Variants in DNMT3A observed in about 807,000 individuals in gnomAD.
The protein encoded by DNMT3A is DNA (cytosine-5)-methyltransferase 3A.
In DNMT3A, 267 loss-of-function variants were observed where a neutral mutation model predicts 117.6. The ratio of observed to expected loss-of-function variants is 2.27; its 90% confidence interval spans 2.05 to 2.51. DNMT3A has a LOEUF of 2.51. DNMT3A is among the 30% of genes most tolerant of loss of function. The pLI is 0.00. For synonymous variants in DNMT3A, 432 were observed against 474.8 expected (o/e 0.91, Z 1.17); for missense variants, 1,029 against 1,260.2 (o/e 0.82, Z 2.78).
At chr2:25,300,712 A>ATATATAC (rs1491509599) in intron 2 of DNMT3A, among the ~76,000 whole-genome samples, 9 of 18,922 alleles carry the variant, frequency 4.8e-4, no homozygotes, top group African/African-American at 1.5e-3. Flanking sequence ...TAAATAATAT[A>ATATATAC]ATATATATAT....
chr2:25,256,622 A>G (rs1325287279), intron 6 of DNMT3A, among the ~76,000 whole-genome samples: 2 of 152,238 alleles, frequency 1.3e-5, no homozygotes, highest in Non-Finnish European at 2.9e-5. Context: ...CATTGCCATC[A>G]TCCCAGAAAG....
At chr2:25,314,501 C>G in intron 1 of DNMT3A, 1 of 985,322 alleles carries the variant, frequency 1.0e-6, no homozygotes, top group Non-Finnish European at 1.2e-6. Flanking sequence ...CCCTCCCACC[C>G]CAACCAGCCC....
intron 3 of DNMT3A, among the ~76,000 whole-genome samples, chr2:25,283,480 T>C (rs2032052060): frequency 6.6e-6 from 1 of 152,110 alleles, no homozygotes; most frequent in African/African-American, 2.4e-5. Flanking sequence ...GTCTGACTTC[T>C]GTGGTCAGTG....
At chr2:25,291,094 G>C (rs1239153335) in intron 3 of DNMT3A, among the ~76,000 whole-genome samples, 1 of 152,166 alleles carries the variant, frequency 6.6e-6, no homozygotes, top group African/African-American at 2.4e-5. Context: ...CAGGACAGAG[G>C]GGTGCAAGGA....
At position 25,299,526 on chromosome 2, in the gene DNMT3A, C is replaced by G. The variant is rs908556053; in HGVS notation, c.177+613G>C. ...CCTGGGATTCTGGCAGGCCCTCTTGCTTCCCTTCCAGAGGGAGGCCAGGAG... is the reference window on the plus strand; with the variant it reads ...CCTGGGATTCTGGCAGGCCCTCTTGGTTCCCTTCCAGAGGGAGGCCAGGAG... On this transcript the variant is annotated intron_variant, in intron 3 of 22. Transcript: ENST00000321117. Among the ~76,000 whole-genome samples, 7 of 152,354 alleles carry G rather than the reference C, an allele frequency of 4.6e-5. No individual in the cohort carries two copies. The South Asian group carries it at 1.4e-3, about 32-fold the overall frequency.
rs184298981 is a variant in DNMT3A at position 25,331,584 on chromosome 2, G to A, written c.-178+10242C>T. ...GGTGGAGGGCCAGGGTCTAGGCCTT[G>A]CAGCTCATCTTTTGGGGAAATCACT... is the stretch of plus-strand genomic sequence containing the variant. On this transcript the variant is annotated intron_variant, in intron 1 of 22. Transcript: ENST00000321117. Among the ~76,000 whole-genome samples, 368 of 152,318 alleles carry A rather than the reference G, an allele frequency of 2.4e-3. 2 individuals are homozygous for A. Among genetic ancestry groups the A allele is most frequent in the African/African-American group, 8.7e-3 (363 of 41,568 alleles).
chr2:25,279,272 G>A (rs1025511405), intron 4 of DNMT3A, among the ~76,000 whole-genome samples: 1 of 152,132 alleles, frequency 6.6e-6, no homozygotes, highest in African/African-American at 2.4e-5. Flanking sequence ...TACAAGAAAC[G>A]CTGCCTTAAA....
intron 3 of DNMT3A, among the ~76,000 whole-genome samples, chr2:25,291,286 G>A (rs540188634): frequency 2.6e-5 from 4 of 152,368 alleles, no homozygotes; most frequent in South Asian, 4.1e-4. Flanking sequence ...CTCTGCCCCC[G>A]AAGCATTGGC....
Position 25,232,437 on chromosome 2 carries a change from G to A in DNMT3A, c.*1842C>T, listed in dbSNP as rs938526192. 1 of 152,226 alleles carries A rather than the reference G, an allele frequency of 6.6e-6. No individual in the cohort carries two copies. Among genetic ancestry groups the A allele is most frequent in the Non-Finnish European group, 1.5e-5 (1 of 68,072 alleles). 9.4% of individuals were successfully genotyped at this position (152,226 alleles called of 1,614,324 possible). A position where few individuals can be genotyped will look rare whatever the true frequency, so the allele number is the denominator to read the frequency against. ...GGGCTCCAGGTGCTGCTGACTCGAGGTAAGAGCACAGCTATCATCAGACCA... is the reference window on the plus strand; with the variant it reads ...GGGCTCCAGGTGCTGCTGACTCGAGATAAGAGCACAGCTATCATCAGACCA... On this transcript the variant is annotated 3_prime_UTR_variant, in exon 23 of 23. Transcript: ENST00000321117. This position sits in a 1 kb window ranked among gnomAD's most constrained non-coding sequence, Gnocchi z 4.1.
chr2:25,247,610 C>A lies in DNMT3A; in HGVS notation c.995G>T (p.Gly332Val). Residue 332 changes from glycine to valine, a missense_variant, in exon 8 of 23, where the codon GGA becomes GTA. Coordinates refer to ENST00000321117, the MANE Select transcript of DNMT3A (RefSeq NM_022552.5). This position sits in a 1 kb window ranked among gnomAD's most constrained non-coding sequence, Gnocchi z 5.6. Reference protein sequence around the residue: ...AEGTRWVMWFGDGKFSVVCVE... With the variant: ...AEGTRWVMWFVDGKFSVVCVE... ...ACTTACCACTGAGAATTTGCCGTCT[C>A]CGAACCACATGACCCAGCGGGTGCC... 6.2e-7 allele frequency: 1 copy of A among 1,614,114 alleles called. No homozygotes were observed. The highest frequency in any genetic ancestry group is 8.5e-7 in the Non-Finnish European group (1 of 1,180,004).
intron 6 of DNMT3A, among the ~76,000 whole-genome samples, chr2:25,264,700 G>C (rs2030121527): frequency 6.6e-6 from 1 of 152,020 alleles, no homozygotes; most frequent in Admixed American, 6.6e-5. Flanking sequence ...CTGACCTCAT[G>C]ATACGCCTGC....
intron 6 of DNMT3A, among the ~76,000 whole-genome samples, chr2:25,249,117 T>A (rs1164988079): frequency 6.6e-6 from 1 of 152,222 alleles, no homozygotes; most frequent in African/African-American, 2.4e-5. Flanking sequence ...TAATCAAGAC[T>A]AGGATCTTCA....
chr2:25,300,749 AT>A (rs2033453360), intron 2 of DNMT3A, among the ~76,000 whole-genome samples: 4 of 58,248 alleles, frequency 6.9e-5, no homozygotes, highest in Non-Finnish European at 1.3e-4. Flanking sequence ...ATATATATAT[AT>A]ATATATATAT....
chr2:25,252,180 G>A lies in DNMT3A; in HGVS notation c.640-3928C>T. On this transcript the variant is annotated intron_variant, in intron 6 of 22. Transcript: ENST00000321117. This position sits in a 1 kb window ranked among gnomAD's most constrained non-coding sequence, Gnocchi z 5.5. Reference sequence around the variant, plus strand: ...CCGCCCCCGGTCTCCCCGGGGCTCCGTCCAGGAACCTACCCATAAGGCCAG... The same window carrying A: ...CCGCCCCCGGTCTCCCCGGGGCTCCATCCAGGAACCTACCCATAAGGCCAG... 1.3e-6 allele frequency: 2 copies of A among 1,565,480 alleles called. No individual in the cohort carries two copies. The highest frequency in any genetic ancestry group is 1.2e-5 in the South Asian group (1 of 84,672).
intron 1 of DNMT3A, among the ~76,000 whole-genome samples, chr2:25,321,574 A>AG (rs2034598710): frequency 3.3e-5 from 5 of 152,222 alleles, no homozygotes. Context: ...TGGCCATCTT[A>AG]GGGGGGCCAT....
Position 25,247,127 on chromosome 2 carries a change from G to T in DNMT3A, c.1046C>A (p.Ser349Ter), listed in dbSNP as rs1297885007. Residue 349 changes from serine to a stop codon, truncating the protein, a stop_gained, in exon 9 of 23, where the codon TCG (serine) becomes TAG (stop). Transcript: ENST00000321117. LOFTEE classifies it high-confidence loss of function. The surrounding 1 kb of genome is among the most constrained non-coding windows in gnomAD (Gnocchi z 5.6). ...VCVEKLMPLS[S>*]FCSAFHQATY... Reference sequence around the variant, plus strand: ...GGCCTGGTGGAACGCACTGCAAAACGAGCTCAGCGGCATCAGCTTCTCAAC... The same window carrying T: ...GGCCTGGTGGAACGCACTGCAAAACTAGCTCAGCGGCATCAGCTTCTCAAC... The T allele has an allele frequency of 1.2e-6, 2 of 1,614,078 alleles. No homozygotes were observed. The highest frequency in any genetic ancestry group is 8.5e-7 in the Non-Finnish European group (1 of 1,179,976).
intron 1 of DNMT3A, among the ~76,000 whole-genome samples, chr2:25,338,105 A>C (rs1419441477): frequency 6.6e-6 from 1 of 152,226 alleles, no homozygotes; most frequent in Non-Finnish European, 1.5e-5. Context: ...CCAGGACCCC[A>C]GGCCAGCAAG....
At chr2:25,262,956 T>TA (rs1446251139) in intron 6 of DNMT3A, among the ~76,000 whole-genome samples, 1 of 152,146 alleles carries the variant, frequency 6.6e-6, no homozygotes, top group Non-Finnish European at 1.5e-5. Flanking sequence ...AACACTTTTT[T>TA]ATTTGTTTGT....
Position 25,311,948 on chromosome 2 carries a change from C to T in DNMT3A, c.72+1965G>A, listed in dbSNP as rs1227465366. Reference sequence around the variant, plus strand: ...CCTGCTCCCGTCCATTGGTGGTGGCCTGGGGCTCCGCAGCCCAGAGCAGCA... The same window carrying T: ...CCTGCTCCCGTCCATTGGTGGTGGCTTGGGGCTCCGCAGCCCAGAGCAGCA... On this transcript the variant is annotated intron_variant, in intron 2 of 22. Coordinates refer to ENST00000321117, the MANE Select transcript of DNMT3A (RefSeq NM_022552.5). The surrounding 1 kb of genome is among the most constrained non-coding windows in gnomAD (Gnocchi z 5.2). Among the ~76,000 whole-genome samples, 1 of 152,126 alleles carries T rather than the reference C, an allele frequency of 6.6e-6. No individual in the cohort carries two copies. The highest frequency in any genetic ancestry group is 1.5e-5 in the Non-Finnish European group (1 of 68,012).
Sources: gnomAD v4.1 joint callset for allele counts (sites outside exome capture counted in the v4.1 genomes callset) on GRCh38, gnomAD v4.1.1 for gene constraint, Gnocchi (gnomAD v3.1) non-coding constraint, MANE v1.5 for transcripts, NCBI Gene and HGNC (gene_info 2026-07-23, HGNC 2026-07-21) for gene names.